The following NAA20 variants were observed in gnomAD, a reference collection of about 807,000 sequenced individuals.
The protein encoded by NAA20 is N-alpha-acetyltransferase 20, NatB catalytic subunit.
NAA20 carries 24 observed loss-of-function variants against 23.8 expected under a neutral mutation model. The ratio of observed to expected loss-of-function variants is 1.01; its 90% CI spans 0.73 to 1.42. The LOEUF (loss-of-function observed/expected upper bound fraction) is 1.42. Ranked by LOEUF, NAA20 falls within the 40% of genes most tolerant of loss-of-function variation. The pLI is 0.00. For missense variants in NAA20, 166 were observed against 223.1 expected, an observed-to-expected ratio of 0.74 and a Z score of 1.63; for synonymous variants, 83 against 77.7, an observed-to-expected ratio of 1.07 and a Z score of -0.36.
At chr20:20,022,624 T>C (rs939443234) in intron 2 of NAA20, 144 bp downstream of exon 2, 44 of 625,198 alleles carry the variant, frequency 7.0e-5, no homozygotes, top group Admixed American at 1.1e-4. Context: ...GAAAGCAATT[T>C]TAAAAAGTGA....
At chr20:20,032,482 T>C (rs974049552) in intron 4 of NAA20, 26 bp from the exon 5 acceptor site, 1 of 1,604,314 alleles carries the variant, frequency 6.2e-7, no homozygotes, top group Admixed American at 1.7e-5. Context: ...ATTCTAACAT[T>C]TTCCTTTTTT....
chr20:20,033,009 G>A (rs1204347434), intron 5 of NAA20, 93 bp from the exon 6 acceptor site: 5 of 991,614 alleles, frequency 5.0e-6, no homozygotes, highest in African/African-American at 1.6e-5. Context: ...GTGGGGGTAG[G>A]GATAAAACCT....
At chr20:20,028,673 A>G (rs73287575) in intron 4 of NAA20, among the ~76,000 whole-genome samples, 7,331 of 152,246 alleles carry the variant, frequency 0.048, 620 homozygotes, top group African/African-American at 0.17. Flanking sequence ...ATATATATAC[A>G]TATACACATA....
Position 20,025,313 on chromosome 20 carries a change from C to A in NAA20, c.79-364C>A, listed in dbSNP as rs890434088. Among the ~76,000 whole-genome samples, 24 of 152,126 alleles carry A rather than the reference C, an allele frequency of 1.6e-4. 1 individual carries two copies. The highest frequency in any genetic ancestry group is 1.3e-4 in the Admixed American group (2 of 15,264). On this transcript the variant is annotated intron_variant, in intron 2 of 5. Transcript: ENST00000334982. ...TACCAGGCACCAGGGACAGAGGGAA[C>A]ATGATATTCATAGACTAAGAGGAGG...
At chr20:20,021,623 A>C (rs1410996471) in intron 1 of NAA20, among the ~76,000 whole-genome samples, 1 of 152,238 alleles carries the variant, frequency 6.6e-6, no homozygotes, top group African/African-American at 2.4e-5. Flanking sequence ...TGGAGTCTTC[A>C]GTAACTTTTT....
rs2043260930 is a variant in NAA20 at position 20,020,675 on chromosome 20, TAG to T, written c.54-1779_54-1778del. Among the ~76,000 whole-genome samples, 3 of 152,084 alleles carry T rather than the reference TAG, an allele frequency of 2.0e-5. No individual in the cohort carries two copies. In the South Asian group the frequency reaches 6.2e-4, roughly 32 times the overall value. On this transcript the variant is annotated intron_variant, in intron 1 of 5. Transcript: ENST00000334982. ...GGAAATTTGGGGGTCAGCACAAGTG[TAG>T]AAAAAAAGGCTAAGAGTTTGTAAGA... is the stretch of plus-strand genomic sequence containing the variant.
intron 2 of NAA20, among the ~76,000 whole-genome samples, chr20:20,023,477 T>C (rs1247985962): frequency 6.6e-6 from 1 of 152,158 alleles, no homozygotes; most frequent in Admixed American, 6.5e-5. Context: ...AGTGAAGGCT[T>C]TGAGGTAACA....
chr20:20,017,408 A>AG lies in NAA20; in HGVS notation c.12_13insG (p.Arg5AlafsTer15). The AG allele has an allele frequency of 6.2e-7, 1 of 1,611,810 alleles. No individual in the cohort carries two copies. The highest frequency in any genetic ancestry group is 8.5e-7 in the Non-Finnish European group (1 of 1,179,420). The stretch of plus-strand genomic sequence containing the variant: ...GCGGCGGCGGCGCGATGACCACGCT[A>AG]CGGGCCTTTACCTGCGACGACCTGT... On this transcript the variant is annotated frameshift_variant, in exon 1 of 6. Transcript: ENST00000334982. LOFTEE classifies it high-confidence loss of function.
intron 2 of NAA20, among the ~76,000 whole-genome samples, chr20:20,023,310 C>T: frequency 8.1e-6 from 1 of 123,076 alleles, no homozygotes; most frequent in East Asian, 2.1e-4. Flanking sequence ...GAGACTCCGT[C>T]TCAAAAAAAA....
At chr20:20,021,375 T>G (rs1337505318) in intron 1 of NAA20, among the ~76,000 whole-genome samples, 1 of 152,198 alleles carries the variant, frequency 6.6e-6, no homozygotes, top group Non-Finnish European at 1.5e-5. Flanking sequence ...AGGTGTGATC[T>G]TTCAGCAGCA....
chr20:20,018,243 T>G, intron 1 of NAA20: 45 of 604,454 alleles, frequency 7.4e-5, no homozygotes, highest in Non-Finnish European at 6.6e-5. Context: ...ATTATGAAGA[T>G]TCCCACACAT....
chr20:20,025,035 A>C (rs1263976512), intron 2 of NAA20, among the ~76,000 whole-genome samples: 1 of 152,228 alleles, frequency 6.6e-6, no homozygotes, highest in Non-Finnish European at 1.5e-5. Context: ...AAGGTTGAAG[A>C]GTGAAGTCAT....
intron 4 of NAA20, 149 bp from the exon 5 acceptor site, chr20:20,032,359 T>C: frequency 1.7e-6 from 1 of 588,460 alleles, no homozygotes; most frequent in Non-Finnish European, 2.7e-6. Context: ...AAATTTCTAT[T>C]ACCATGTAAT....
chr20:20,032,234 A>T (rs1422758060), intron 4 of NAA20, among the ~76,000 whole-genome samples: 1 of 151,896 alleles, frequency 6.6e-6, no homozygotes, highest in Non-Finnish European at 1.5e-5. Context: ...AATTTGTAGA[A>T]CAAATGCCTT....
chr20:20,026,175 C>T (rs565371515), intron 3 of NAA20, among the ~76,000 whole-genome samples: 3 of 151,980 alleles, frequency 2.0e-5, no homozygotes, highest in Admixed American at 1.3e-4. Context: ...CGTGGTATCG[C>T]GTGCCTATAA....
chr20:20,031,116 T>C (rs1171586458), intron 4 of NAA20, among the ~76,000 whole-genome samples: 1 of 152,188 alleles, frequency 6.6e-6, no homozygotes, highest in Non-Finnish European at 1.5e-5. Flanking sequence ...AAGCTGACTC[T>C]GAAACATACA....
chr20:20,018,045 A>G, intron 1 of NAA20: 2 of 1,614,220 alleles, frequency 1.2e-6, no homozygotes, highest in Non-Finnish European at 1.7e-6. Context: ...AGTCATGGTT[A>G]GTGTTTGCAA....
intron 1 of NAA20, among the ~76,000 whole-genome samples, chr20:20,021,354 G>A (rs965335879): frequency 3.3e-5 from 5 of 152,160 alleles, no homozygotes; most frequent in Admixed American, 6.5e-5. Context: ...AGTAGACAGT[G>A]GAGCTTCCCA....
At chr20:20,022,735 C>T (rs1379121833) in intron 2 of NAA20, 1 of 392,366 alleles carries the variant, frequency 2.5e-6, no homozygotes, top group Non-Finnish European at 4.5e-6. Context: ...CCTTGCCCCT[C>T]AGGAGTCAGC....
Sources: allele counts gnomAD v4.1 joint callset (sites outside exome capture counted in the v4.1 genomes callset), GRCh38; gene constraint gnomAD v4.1.1; transcripts MANE v1.5; gene names NCBI Gene and HGNC (gene_info 2026-07-23, HGNC 2026-07-21).